The following CDC42SE2 variants were observed in gnomAD, a reference collection of about 807,000 sequenced individuals.
CDC42SE2 encodes CDC42 small effector 2, also known as CDC42 small effector protein 2.
Under a neutral mutation model 11.5 loss-of-function variants are expected in CDC42SE2, and 3 were observed. The observed-to-expected ratio is 0.26, with a 90% CI of 0.12 to 0.67. CDC42SE2 has a LOEUF of 0.67. CDC42SE2 is among the 30% of genes least tolerant of loss of function. The pLI is 0.80. For synonymous variants in CDC42SE2, 33 were observed against 34.8 expected (o/e 0.95, Z 0.18); for missense variants, 82 against 106.8 (o/e 0.77, Z 1.02).
intron 2 of CDC42SE2, among the ~76,000 whole-genome samples, chr5:131,331,938 G>C (rs1277677321): frequency 6.6e-6 from 1 of 152,054 alleles, no homozygotes; most frequent in African/African-American, 2.4e-5. Flanking sequence ...ACTGTACAGG[G>C]TTATACAAAA....
chr5:131,317,743 G>T (rs757195291), intron 2 of CDC42SE2, among the ~76,000 whole-genome samples: 39 of 151,512 alleles, frequency 2.6e-4, no homozygotes, highest in Non-Finnish European at 3.7e-4. Context: ...TTGAAAATCT[G>T]TGGTGTTACT....
At chr5:131,275,395 C>G (rs896448980) in intron 1 of CDC42SE2, among the ~76,000 whole-genome samples, 1 of 151,340 alleles carries the variant, frequency 6.6e-6, no homozygotes. Context: ...CTCCCGGATT[C>G]AAGCAATTCT....
At chr5:131,330,956 G>A (rs1316714457) in intron 2 of CDC42SE2, among the ~76,000 whole-genome samples, 1 of 152,094 alleles carries the variant, frequency 6.6e-6, no homozygotes, top group Admixed American at 6.6e-5. Flanking sequence ...AGCCCAGGAG[G>A]TCGAGGCTGC....
intron 3 of CDC42SE2, among the ~76,000 whole-genome samples, chr5:131,361,196 T>C (rs1322070358): frequency 1.3e-5 from 2 of 152,036 alleles, no homozygotes; most frequent in Non-Finnish European, 1.5e-5. Context: ...AAAGGGTATA[T>C]AATAAAGTGA....
At chr5:131,312,829 C>T (rs184728427) in intron 1 of CDC42SE2, among the ~76,000 whole-genome samples, 29 of 152,270 alleles carry the variant, frequency 1.9e-4, no homozygotes, top group East Asian at 1.7e-3. Flanking sequence ...CACTGACCTG[C>T]GCCCACGATC....
At chr5:131,247,879 G>A (rs1380689578) in intron 1 of CDC42SE2, among the ~76,000 whole-genome samples, 1 of 152,038 alleles carries the variant, frequency 6.6e-6, no homozygotes, top group East Asian at 1.9e-4. Flanking sequence ...GGCTCCAAGT[G>A]ATCTTCCTGC....
intron 2 of CDC42SE2, among the ~76,000 whole-genome samples, chr5:131,321,292 C>T (rs962266124): frequency 6.6e-6 from 1 of 152,258 alleles, no homozygotes; most frequent in African/African-American, 2.4e-5. Flanking sequence ...ACTCAACTTC[C>T]GTCTGTGAAA....
At chr5:131,388,637 G>T (rs1750559411) in intron 4 of CDC42SE2, among the ~76,000 whole-genome samples, 1 of 151,946 alleles carries the variant, frequency 6.6e-6, no homozygotes, top group African/African-American at 2.4e-5. Context: ...ATACAACCTT[G>T]CGTTAAAATA....
the CDC42SE2 span, among the ~76,000 whole-genome samples, chr5:131,216,277 A>G: frequency 6.6e-6 from 1 of 152,220 alleles, no homozygotes; most frequent in Non-Finnish European, 1.5e-5. Flanking sequence ...TGAGTGGACC[A>G]CTTGAGCTCA....
intron 1 of CDC42SE2, among the ~76,000 whole-genome samples, chr5:131,267,814 T>G (rs1756902053): frequency 6.6e-6 from 1 of 152,190 alleles, no homozygotes; most frequent in Non-Finnish European, 1.5e-5. Context: ...AGGTTCCTCA[T>G]CTGCTTTAAA....
intron 3 of CDC42SE2, among the ~76,000 whole-genome samples, chr5:131,384,976 G>T (rs1266764730): frequency 6.6e-6 from 1 of 151,116 alleles, no homozygotes; most frequent in Admixed American, 6.6e-5. Context: ...TAGTCAACAG[G>T]TTTAGTTCCC....
chr5:131,355,628 A>C (rs1749518119), intron 2 of CDC42SE2, among the ~76,000 whole-genome samples: 1 of 152,206 alleles, frequency 6.6e-6, no homozygotes, highest in African/African-American at 2.4e-5. Flanking sequence ...TTCAAAGTCC[A>C]AATTCTGAAT....
the CDC42SE2 span, among the ~76,000 whole-genome samples, chr5:131,210,934 T>C: frequency 2.0e-5 from 3 of 152,184 alleles, no homozygotes; most frequent in African/African-American, 7.2e-5. Flanking sequence ...TGCCTCCCAG[T>C]TCAAGTGATT....
chr5:131,292,918 A>C (rs1320170944), intron 1 of CDC42SE2, among the ~76,000 whole-genome samples: 10 of 148,808 alleles, frequency 6.7e-5, no homozygotes, highest in African/African-American at 2.3e-4. Context: ...AAAAAAAAAA[A>C]AAAAAAAAAA....
intron 3 of CDC42SE2, among the ~76,000 whole-genome samples, chr5:131,379,936 CAG>C (rs1260969991): frequency 2.6e-5 from 4 of 151,758 alleles, no homozygotes; most frequent in African/African-American, 4.8e-5. Flanking sequence ...TCTTTTGAAA[CAG>C]AGTCTCACTC....
intron 1 of CDC42SE2, among the ~76,000 whole-genome samples, chr5:131,307,606 G>A (rs943520892): frequency 1.3e-5 from 2 of 152,060 alleles, no homozygotes; most frequent in South Asian, 2.1e-4. Flanking sequence ...TGGGTCAAAT[G>A]GTATTTCTAG....
At chr5:131,340,134 T>G (rs1758678306) in intron 2 of CDC42SE2, among the ~76,000 whole-genome samples, 1 of 152,220 alleles carries the variant, frequency 6.6e-6, no homozygotes, top group Non-Finnish European at 1.5e-5. Flanking sequence ...TAAACTGTCG[T>G]GCAAGAATAA....
chr5:131,291,694 C>G lies in CDC42SE2; in HGVS notation c.-454-24282C>G, dbSNP rs540316059. Among the ~76,000 whole-genome samples the G allele has an allele frequency of 1.6e-4, 25 of 152,288 alleles. No homozygotes were observed. The South Asian group carries it at 5.2e-3, about 32-fold the overall frequency. On this transcript the variant is annotated intron_variant, in intron 1 of 4. Transcript: ENST00000505065. ...GTAAGATCAAGACTGCCATTTACAT[C>G]TAAGTAATCTTGCAAGTTTTATATT...
At chr5:131,252,038 GAGAA>G (rs1342895839) in intron 1 of CDC42SE2, among the ~76,000 whole-genome samples, 1 of 136,872 alleles carries the variant, frequency 7.3e-6, no homozygotes, top group African/African-American at 2.7e-5. Context: ...GAAAAAAAGA[GAGAA>G]AGAAAAAGAG....
Sources: allele counts gnomAD v4.1 joint callset (sites outside exome capture counted in the v4.1 genomes callset), GRCh38; gene constraint gnomAD v4.1.1; transcripts MANE v1.5; gene names NCBI Gene and HGNC (gene_info 2026-07-23, HGNC 2026-07-21).